BYSL: variants seen among roughly 807,000 people sequenced by gnomAD.
The protein encoded by BYSL is bystin like.
A neutral mutation model predicts 45.4 loss-of-function variants in BYSL; 21 were observed. That is an observed-to-expected ratio of 0.46 (90% CI 0.33 to 0.67). BYSL has a LOEUF of 0.67. Ranked by LOEUF, BYSL falls within the 30% of genes least tolerant of loss-of-function variation. The pLI is 0.02. For synonymous variants in BYSL, 215 were observed against 231.3 expected, an observed-to-expected ratio of 0.93 and a Z score of 0.64; for missense variants, 522 against 578.5, an observed-to-expected ratio of 0.90 and a Z score of 1.00.
intron 1 of BYSL, among the ~76,000 whole-genome samples, chr6:41,924,449 G>A (rs542880355): frequency 2.0e-5 from 3 of 152,134 alleles, no homozygotes; most frequent in Non-Finnish European, 2.9e-5. Flanking sequence ...GATTGGGTGC[G>A]TTCAGGGTGG....
At chr6:41,929,309 G>A (rs1242075529) in intron 2 of BYSL, among the ~76,000 whole-genome samples, 2 of 152,150 alleles carry the variant, frequency 1.3e-5, no homozygotes, top group Non-Finnish European at 2.9e-5. Flanking sequence ...ACCAGCCTGG[G>A]CAACATGGGG....
At chr6:41,916,881 T>C, upstream of BYSL, 1 of 1,613,954 alleles carries the variant, frequency 6.2e-7, no homozygotes, top group Non-Finnish European at 8.5e-7. Flanking sequence ...AATTTCCGGG[T>C]AAGGAGCTCT....
the BYSL span, among the ~76,000 whole-genome samples, chr6:41,915,108 C>G: frequency 6.6e-6 from 1 of 152,174 alleles, no homozygotes; most frequent in East Asian, 1.9e-4. Flanking sequence ...AGAAACACTG[C>G]TTTTAGAAAC....
At chr6:41,917,060 T>G (rs1045343216), upstream of BYSL, 6 of 1,036,112 alleles carry the variant, frequency 5.8e-6, no homozygotes, top group Middle Eastern at 3.4e-4. Flanking sequence ...AATTACCTAC[T>G]CTGACCGTCT....
the BYSL span, among the ~76,000 whole-genome samples, chr6:41,912,497 C>T: frequency 3.3e-5 from 5 of 151,552 alleles, no homozygotes; most frequent in African/African-American, 1.2e-4. Flanking sequence ...GCTGGGATTA[C>T]AGGTGCCTGC....
intron 1 of BYSL, among the ~76,000 whole-genome samples, chr6:41,923,715 G>A (rs1317880568): frequency 6.6e-6 from 1 of 152,074 alleles, no homozygotes; most frequent in African/African-American, 2.4e-5. Context: ...GATTACAGGT[G>A]TGAGCTACTG....
chr6:41,913,967 G>A, the BYSL span, among the ~76,000 whole-genome samples: 6 of 152,218 alleles, frequency 3.9e-5, no homozygotes, highest in African/African-American at 1.4e-4. Context: ...AGCACAACAT[G>A]AGGAGAGAAG....
chr6:41,929,403 C>T (rs1277163921), intron 2 of BYSL, among the ~76,000 whole-genome samples: 2 of 152,084 alleles, frequency 1.3e-5, no homozygotes, highest in South Asian at 2.1e-4. Context: ...GAGACTGAGG[C>T]GGGAAGATCG....
At chr6:41,927,611 T>C in intron 2 of BYSL, 75 bp downstream of exon 2, 1 of 1,566,878 alleles carries the variant, frequency 6.4e-7, no homozygotes, top group Non-Finnish European at 8.7e-7. Flanking sequence ...GGCAGACTTA[T>C]GATTCCCTAC....
upstream of BYSL, chr6:41,916,693 C>A (rs186446822): frequency 8.3e-5 from 124 of 1,502,784 alleles, no homozygotes; most frequent in East Asian, 2.3e-3. Flanking sequence ...AGAATACCAC[C>A]TTTAGCAGAA....
chr6:41,912,199 CTTTTT>C, the BYSL span, among the ~76,000 whole-genome samples: 3 of 119,294 alleles, frequency 2.5e-5, no homozygotes, highest in African/African-American at 1.1e-4. Flanking sequence ...CCATGCCCAC[CTTTTT>C]TTTTTTTTTT....
chr6:41,909,515 G>A, the BYSL span: 78 of 1,614,028 alleles, frequency 4.8e-5, no homozygotes, highest in African/African-American at 6.7e-4. Flanking sequence ...TCAGCTTCCC[G>A]GTCTGACCTG....
the BYSL span, chr6:41,913,161 C>G: frequency 6.6e-6 from 1 of 151,902 alleles, no homozygotes; most frequent in African/African-American, 2.4e-5. Flanking sequence ...TACTCTCCTC[C>G]AAACTACTAA....
chr6:41,924,091 T>C (rs1488069726), intron 1 of BYSL, among the ~76,000 whole-genome samples: 2 of 151,404 alleles, frequency 1.3e-5, no homozygotes, highest in Non-Finnish European at 2.9e-5. Context: ...AGACAGAGTC[T>C]CGCTCCGTCA....
chr6:41,927,584 A>G lies in BYSL; in HGVS notation c.431+48A>G, dbSNP rs1004327245. 4 of 1,598,348 alleles carry G rather than the reference A, an allele frequency of 2.5e-6. No homozygotes were observed. In the African/African-American group the frequency reaches 4.0e-5, roughly 16 times the overall value. On this transcript the variant is annotated intron_variant, in intron 2 of 6. Transcript: ENST00000230340. ...ATGAGTCCTTGTAGAAAGTTCCCAC[A>G]GGAAAACAAGTTCCCTGGCAGACTT...
In BYSL at chr6:41,931,503, A is replaced by T. The variant is rs537528774; in HGVS notation, c.812A>T (p.His271Leu). 1 of 1,614,080 alleles carries T rather than the reference A, an allele frequency of 6.2e-7. No homozygotes were observed. The highest frequency in any genetic ancestry group is 1.3e-5 in the African/African-American group (1 of 75,000). Reference protein sequence around the residue: ...DVAEYKRLNFHLYMALKKALF... With the variant: ...DVAEYKRLNFLLYMALKKALF... The stretch of plus-strand genomic sequence containing the variant: ...GCTGAATACAAACGACTCAACTTCC[A>T]TCTCTACATGGCTCTCAAGAAGGCC... The change falls in exon 5 of 7, where the codon CAT becomes CTT. Residue 271 changes from histidine (H) to leucine (L), a missense_variant. Transcript: ENST00000230340.
chr6:41,932,364 G>T lies in BYSL; in HGVS notation c.972G>T (p.Ala324=), dbSNP rs142748146. 101 of 1,607,968 alleles carry T rather than the reference G, an allele frequency of 6.3e-5. No individual in the cohort carries two copies. The highest frequency in any genetic ancestry group is 8.2e-5 in the Non-Finnish European group (97 of 1,178,836). Residue 324 remains alanine, a synonymous_variant, in exon 7 of 7, where the codon GCG becomes GCT. Coordinates refer to ENST00000230340, the MANE Select transcript of BYSL (RefSeq NM_004053.4). The surrounding 1 kb of genome is among the most constrained non-coding windows in gnomAD (Gnocchi z 4.7). ...CCCCACCTCCCTTTCCCACTAGTGC[G>T]GCCATGCTGAAAATTGCTGAGATGG... The part of the protein sequence containing the change: ...KCSIPVLHSS[A]AMLKIAEMEY...
chr6:41,916,493 T>C, the BYSL span, among the ~76,000 whole-genome samples: 1 of 151,430 alleles, frequency 6.6e-6, no homozygotes, highest in Admixed American at 6.6e-5. Flanking sequence ...GGCAGGAGAA[T>C]CACTTGAACC....
the BYSL span, among the ~76,000 whole-genome samples, chr6:41,910,075 T>G: frequency 6.6e-6 from 1 of 152,110 alleles, no homozygotes; most frequent in Non-Finnish European, 1.5e-5. Flanking sequence ...CAAGCTGTGA[T>G]AGGTCTTATC....
Sources: gnomAD v4.1 joint callset for allele counts (sites outside exome capture counted in the v4.1 genomes callset) on GRCh38, gnomAD v4.1.1 for gene constraint, Gnocchi (gnomAD v3.1) non-coding constraint, MANE v1.5 for transcripts, NCBI Gene and HGNC (gene_info 2026-07-23, HGNC 2026-07-21) for gene names.